Variants in LRP1B observed in about 807,000 individuals in gnomAD.
LRP1B encodes the protein LDL receptor related protein 1B, also known as low-density lipoprotein receptor-related protein 1B.
Under a neutral mutation model 556.6 loss-of-function variants are expected in LRP1B, and 217 were observed. The ratio of observed to expected loss-of-function variants is 0.39; its 90% CI spans 0.35 to 0.44. The LOEUF (loss-of-function observed/expected upper bound fraction) is 0.44. Among genes scored for constraint, LRP1B ranks in the 20% least tolerant of loss-of-function variants. The pLI is 1.00. For synonymous variants in LRP1B, 2,047 were observed against 1,865.8 expected (o/e 1.10, Z -2.50); for missense variants, 5,053 against 5,620.8 (o/e 0.90, Z 3.23).
chr2:141,826,446 G>A (rs1421714093), intron 1 of LRP1B, among the ~76,000 whole-genome samples: 1 of 132,510 alleles, frequency 7.5e-6, no homozygotes, highest in Non-Finnish European at 1.5e-5. Context: ...TGCAAGCTCC[G>A]CCTCCTGGGT....
intron 31 of LRP1B, among the ~76,000 whole-genome samples, chr2:140,814,727 T>A (rs1446804728): frequency 1.3e-5 from 2 of 152,160 alleles, no homozygotes; most frequent in Non-Finnish European, 2.9e-5. Context: ...TTGAGCTCAT[T>A]TGGTGGTTGA....
At chr2:140,392,163 GTCTTTC>G (rs1366589364) in intron 66 of LRP1B, among the ~76,000 whole-genome samples, 1 of 152,150 alleles carries the variant, frequency 6.6e-6, no homozygotes, top group Admixed American at 6.6e-5. Flanking sequence ...AGGCAAACCT[GTCTTTC>G]TCTTTCATTT....
chr2:141,513,672 C>A (rs757274044), intron 2 of LRP1B, among the ~76,000 whole-genome samples: 12 of 151,954 alleles, frequency 7.9e-5, no homozygotes, highest in Non-Finnish European at 1.3e-4. Context: ...TAACTCTAGA[C>A]CATTATTTAT....
intron 1 of LRP1B, among the ~76,000 whole-genome samples, chr2:141,858,808 T>C (rs1040553005): frequency 6.6e-5 from 10 of 152,176 alleles, no homozygotes; most frequent in African/African-American, 2.4e-4. Context: ...GGATAAGGAA[T>C]CTGATGCTCT....
intron 2 of LRP1B, among the ~76,000 whole-genome samples, chr2:141,508,895 T>A (rs888769047): frequency 6.6e-5 from 10 of 152,118 alleles, no homozygotes; most frequent in African/African-American, 2.4e-4. Flanking sequence ...TGTCCTGATA[T>A]AAAGTGCTTT....
chr2:140,275,800 C>G (rs559578780), intron 84 of LRP1B, among the ~76,000 whole-genome samples: 3 of 151,900 alleles, frequency 2.0e-5, no homozygotes, highest in Admixed American at 1.3e-4. Context: ...TCTCATTGAG[C>G]GTCACAGACG....
At chr2:140,490,466 A>C (rs972776752) in intron 57 of LRP1B, among the ~76,000 whole-genome samples, 2 of 152,146 alleles carry the variant, frequency 1.3e-5, no homozygotes, top group African/African-American at 4.8e-5. Flanking sequence ...AAAGAGAATA[A>C]AATTTGTGAT....
intron 20 of LRP1B, among the ~76,000 whole-genome samples, chr2:140,937,901 G>A (rs74554166): frequency 3.3e-4 from 49 of 150,212 alleles, no homozygotes; most frequent in East Asian, 7.8e-4. Flanking sequence ...TTCAACCTCC[G>A]TTGGTAGGAC....
chr2:141,328,749 C>A (rs1022210546), intron 3 of LRP1B, among the ~76,000 whole-genome samples: 2 of 152,144 alleles, frequency 1.3e-5, no homozygotes, highest in African/African-American at 4.8e-5. Flanking sequence ...AGTCATTTGT[C>A]AGTGGCCATT....
intron 25 of LRP1B, among the ~76,000 whole-genome samples, chr2:140,868,501 T>C (rs1269784569): frequency 6.6e-6 from 1 of 152,014 alleles, no homozygotes; most frequent in Non-Finnish European, 1.5e-5. Context: ...TGAGAGAGAA[T>C]AGCAGGTGAC....
chr2:141,491,911 G>A (rs1209203241), intron 2 of LRP1B, among the ~76,000 whole-genome samples: 1 of 151,888 alleles, frequency 6.6e-6, no homozygotes, highest in Non-Finnish European at 1.5e-5. Context: ...ATAATAAAAA[G>A]TTAGATGCAG....
At position 140,444,367 on chromosome 2, in the gene LRP1B, T is replaced by A. The variant is rs1686562198; in HGVS notation, c.10257A>T (p.Gln3419His). 1 of 1,613,910 alleles carries A rather than the reference T, an allele frequency of 6.2e-7. No individual in the cohort carries two copies. The highest frequency in any genetic ancestry group is 1.1e-5 in the South Asian group (1 of 91,088). Residue 3419 changes from glutamine (Q) to histidine (H), a missense_variant, in exon 65 of 91, where the codon CAA becomes CAT. Physicochemically the swap from Gln to His is conservative, Grantham distance 24. This residue lies in a region of LRP1B where 262 missense variants were observed against 395.1 expected (regional missense o/e 0.66). Coordinates refer to ENST00000389484, the MANE Select transcript of LRP1B (RefSeq NM_018557.3). The part of the protein sequence containing the change: ...CIPVNLRCNG[Q>H]DDCGDEEDER... The stretch of plus-strand genomic sequence containing the variant: ...CATCTTCCTCATCACCACAGTCATC[T>A]TGCCCATTACATCTTAAGTTTACTG...
chr2:141,586,022 G>A (rs1275876198), intron 2 of LRP1B, among the ~76,000 whole-genome samples: 1 of 152,024 alleles, frequency 6.6e-6, no homozygotes, highest in East Asian at 1.9e-4. Flanking sequence ...CTGGCTAGAA[G>A]AAATAACTTT....
At chr2:140,478,071 C>A (rs759969748) in intron 59 of LRP1B, among the ~76,000 whole-genome samples, 2 of 151,454 alleles carry the variant, frequency 1.3e-5, no homozygotes, top group African/African-American at 2.4e-5. Flanking sequence ...CTTATCTTCA[C>A]AACCACCTTA....
chr2:141,640,718 C>T (rs921734074), intron 2 of LRP1B, among the ~76,000 whole-genome samples: 3 of 151,990 alleles, frequency 2.0e-5, no homozygotes, highest in Non-Finnish European at 4.4e-5. Context: ...TTCTTGAACC[C>T]GGGAGGTGGA....
chr2:140,432,498 T>A (rs1270301684), intron 66 of LRP1B, among the ~76,000 whole-genome samples: 1 of 152,204 alleles, frequency 6.6e-6, no homozygotes, highest in Non-Finnish European at 1.5e-5. Flanking sequence ...CTCTGTGATT[T>A]CCTAATAGCC....
intron 17 of LRP1B, among the ~76,000 whole-genome samples, chr2:140,983,354 A>T (rs1239375939): frequency 2.0e-5 from 3 of 152,092 alleles, no homozygotes; most frequent in Non-Finnish European, 2.9e-5. Flanking sequence ...ATTGGGGTCG[A>T]AGTATCAGTG....
At chr2:141,653,777 T>C (rs983841330) in intron 2 of LRP1B, among the ~76,000 whole-genome samples, 7 of 152,180 alleles carry the variant, frequency 4.6e-5, no homozygotes, top group African/African-American at 1.4e-4. Flanking sequence ...AATCAATCAA[T>C]GAGGACTAAA....
At chr2:141,249,784 T>C (rs1684195929) in intron 4 of LRP1B, among the ~76,000 whole-genome samples, 4 of 152,146 alleles carry the variant, frequency 2.6e-5, no homozygotes. Context: ...AAATTCCCAT[T>C]TAGATTCAGT....
Sources: gnomAD v4.1 joint callset for allele counts (sites outside exome capture counted in the v4.1 genomes callset) on GRCh38, gnomAD v4.1.1 for gene constraint, gnomAD v4.1.1 regional missense constraint, MANE v1.5 for transcripts, NCBI Gene and HGNC (gene_info 2026-07-23, HGNC 2026-07-21) for gene names.